MDN1: variants seen among roughly 807,000 people sequenced by gnomAD.
MDN1 encodes the protein midasin.
MDN1 carries 266 observed loss-of-function variants against 669.2 expected under a neutral mutation model. The ratio of observed to expected loss-of-function variants is 0.40; its 90% CI spans 0.36 to 0.44. MDN1 has a LOEUF of 0.44. Among genes scored for constraint, MDN1 ranks in the 20% least tolerant of loss-of-function variants. The pLI, the probability that MDN1 is intolerant of heterozygous loss-of-function variation, is 1.00. For synonymous variants in MDN1, 2,385 were observed against 2,457.1 expected, an observed-to-expected ratio of 0.97 and a Z score of 0.87; for missense variants, 5,940 against 6,754.0, an observed-to-expected ratio of 0.88 and a Z score of 4.22.
Position 89,790,277 on chromosome 6 carries a change from A to T in MDN1, c.980T>A (p.Leu327Ter). The T allele has an allele frequency of 6.2e-7, 1 of 1,614,184 alleles. No individual in the cohort carries two copies. The highest frequency in any genetic ancestry group is 8.5e-7 in the Non-Finnish European group (1 of 1,180,038). ...MAVASQNAVL[L>*]EGPIGCGKTS... is the part of the protein sequence containing the mutation. The stretch of plus-strand genomic sequence containing the variant: ...TTTGCCACATCCTATTGGTCCTTCC[A>T]ACAACACAGCATTCTGAGAAGCAAC... The change falls in exon 6 of 102, where the codon TTG (leucine) becomes TAG (stop). Residue 327 changes from leucine (L) to a stop codon, truncating the protein, a stop_gained. Coordinates refer to ENST00000369393, the MANE Select transcript of MDN1 (RefSeq NM_014611.3). LOFTEE classifies it high-confidence loss of function.
Position 89,793,953 on chromosome 6 carries a change from A to C in MDN1, c.664T>G (p.Leu222Val), listed in dbSNP as rs1819425288. The change falls in exon 5 of 102, where the codon TTA becomes GTA. Residue 222 changes from leucine (L) to valine (V), a missense_variant and splice_region_variant. By Grantham distance (32) the Leu-to-Val change is conservative. Transcript: ENST00000369393. ...SDELIHFRLR[L>V]LEEAQLQDLE... ...TCCTGCAACTGGGCCTCTTCTAATA[A>C]CCTGAGAGAAAGGAGAGTCTCGTCA... The C allele has an allele frequency of 6.2e-7, 1 of 1,609,994 alleles. No homozygotes were observed. Among genetic ancestry groups the C allele is most frequent in the Non-Finnish European group, 8.5e-7 (1 of 1,177,388 alleles).
chr6:89,673,410 C>G lies in MDN1; in HGVS notation c.13300G>C (p.Val4434Leu). The G allele has an allele frequency of 1.2e-6, 2 of 1,614,190 alleles. No individual in the cohort carries two copies. The highest frequency in any genetic ancestry group is 1.3e-5 in the African/African-American group (1 of 75,036). Residue 4434 changes from valine (V) to leucine (L), a missense_variant, in exon 80 of 102, where the codon GTT becomes CTT. Coordinates refer to ENST00000369393, the MANE Select transcript of MDN1 (RefSeq NM_014611.3). ...SALSCLSQVS[V>L]HLQGLESLFI... ...AAGGACTCTAGGCCCTGCAAATGAA[C>G]TGACACCTGGGACAAGCAACTCAGC...
At chr6:89,696,282 A>G in intron 60 of MDN1, 78 bp downstream of exon 60, 1 of 1,441,904 alleles carries the variant, frequency 6.9e-7, no homozygotes. Context: ...TACAGAAGGA[A>G]GTTCTCACTG....
At position 89,646,685 on chromosome 6, in the gene MDN1, C is replaced by T. The variant is rs1808511267; in HGVS notation, c.16396-82G>A. On this transcript the variant is annotated intron_variant, in intron 99 of 101. Coordinates refer to ENST00000369393, the MANE Select transcript of MDN1 (RefSeq NM_014611.3). The stretch of plus-strand genomic sequence containing the variant: ...TCAAAGAGACTGATAGTATTTCTGA[C>T]ATTGAAGTGATTATCAGATAACCAC... 2.4e-6 allele frequency: 3 copies of T among 1,229,298 alleles called. No individual in the cohort carries two copies. The Admixed American group carries it at 5.4e-5, about 22-fold the overall frequency. The allele number at this position is 1,229,298 out of a possible 1,614,324, so 76.1% of individuals were successfully genotyped here.
intron 57 of MDN1, among the ~76,000 whole-genome samples, 155 bp downstream of exon 57, chr6:89,699,908 C>T (rs1394905460): frequency 2.0e-5 from 3 of 151,910 alleles, no homozygotes; most frequent in Admixed American, 6.6e-5. Context: ...AAAAAAAAAC[C>T]TTCAATAAAT....
intron 59 of MDN1, 73 bp from the exon 60 acceptor site, chr6:89,696,647 A>C: frequency 8.5e-7 from 1 of 1,175,988 alleles, no homozygotes; most frequent in Non-Finnish European, 1.2e-6. Flanking sequence ...AGGGAACCTG[A>C]GAGGAAAGAA....
At chr6:89,655,092 T>C (rs747990107) in intron 92 of MDN1, among the ~76,000 whole-genome samples, 9 of 152,098 alleles carry the variant, frequency 5.9e-5, no homozygotes, top group Non-Finnish European at 1.2e-4. Context: ...CAATACATGG[T>C]AGCTACTGCT....
chr6:89,801,190 A>T (rs1767633264), intron 2 of MDN1, among the ~76,000 whole-genome samples: 1 of 151,762 alleles, frequency 6.6e-6, no homozygotes, highest in African/African-American at 2.4e-5. Context: ...GAGGTCAGGA[A>T]TTCAAGACCA....
Position 89,708,511 on chromosome 6 carries a change from T to C in MDN1, c.7883A>G (p.Glu2628Gly). The C allele has an allele frequency of 6.2e-7, 1 of 1,613,992 alleles. No homozygotes were observed. Among genetic ancestry groups the C allele is most frequent in the South Asian group, 1.1e-5 (1 of 91,038 alleles). The change falls in exon 51 of 102, where the codon GAA becomes GGA. Residue 2628 changes from glutamate to glycine, a missense_variant. Physicochemically the swap from Glu to Gly is moderately conservative, Grantham distance 98. Transcript: ENST00000369393. The part of the protein sequence containing the change: ...DQPDQLFALL[E>G]SAANKTIIYL... ...TTTCACTTACTTGTTTGCAGCTGAT[T>C]CTAAAAGGGCAAAGAGCTGGTCAGG...
At chr6:89,794,499 C>T in intron 3 of MDN1, 78 bp downstream of exon 3, 8 of 1,381,826 alleles carry the variant, frequency 5.8e-6, no homozygotes, top group Non-Finnish European at 8.1e-6. Context: ...TTTCCTTTCC[C>T]TCCTGACACA....
chr6:89,737,201 A>G (rs1000377463), intron 33 of MDN1, among the ~76,000 whole-genome samples: 2 of 152,176 alleles, frequency 1.3e-5, no homozygotes, highest in Non-Finnish European at 2.9e-5. Flanking sequence ...ACCGTGGGCC[A>G]TTCCTAAAAA....
chr6:89,717,231 A>T (rs1240119097), intron 43 of MDN1, among the ~76,000 whole-genome samples: 1 of 152,250 alleles, frequency 6.6e-6, no homozygotes, highest in African/African-American at 2.4e-5. Flanking sequence ...ATTACTTGCC[A>T]AATGCTTTAT....
chr6:89,819,161 C>G (rs1370967487), intron 1 of MDN1, among the ~76,000 whole-genome samples: 1 of 152,188 alleles, frequency 6.6e-6, no homozygotes, highest in East Asian at 1.9e-4. Context: ...GATACGTACA[C>G]TTGTCAAAAC....
intron 32 of MDN1, 39 bp from the exon 33 acceptor site, chr6:89,738,494 CTG>C (rs1318237745): frequency 1.9e-6 from 3 of 1,608,762 alleles, no homozygotes; most frequent in Non-Finnish European, 8.5e-7. Flanking sequence ...ATTTTTAAAA[CTG>C]TAAGGAAAGC....
chr6:89,731,764 C>G (rs1584282654), intron 34 of MDN1, among the ~76,000 whole-genome samples: 1 of 151,512 alleles, frequency 6.6e-6, no homozygotes, highest in Admixed American at 6.6e-5. Flanking sequence ...TTCAAATAAT[C>G]TGATCAATCT....
At chr6:89,656,394 C>CTATG (rs1809302345) in intron 91 of MDN1, among the ~76,000 whole-genome samples, 1 of 152,112 alleles carries the variant, frequency 6.6e-6, no homozygotes, top group South Asian at 2.1e-4. Context: ...AAGCAAAAGC[C>CTATG]TATGGACAAT....
At chr6:89,777,898 G>A (rs556837872) in intron 11 of MDN1, among the ~76,000 whole-genome samples, 5 of 152,168 alleles carry the variant, frequency 3.3e-5, no homozygotes, top group African/African-American at 1.2e-4. Context: ...TGAGTTAACA[G>A]GGAGATTGAT....
Position 89,674,243 on chromosome 6 carries a change from C to T in MDN1, c.13108G>A (p.Gly4370Ser). Residue 4370 changes from glycine to serine, a missense_variant, in exon 79 of 102, where the codon GGT becomes AGT. Around this residue, in one of 5 missense-constraint regions of MDN1, gnomAD observed 2,280 missense variants for 2,576.3 expected, o/e 0.88. Coordinates refer to ENST00000369393, the MANE Select transcript of MDN1 (RefSeq NM_014611.3). Reference protein sequence around the residue: ...SPIPGSQLPSGCRMRKQDHLW... With the variant: ...SPIPGSQLPSSCRMRKQDHLW... ...TGATCCTGTTTCCGCATCCGGCAAC[C>T]AGAGGGCAGCTGACTTCCAGGTATT... 6.2e-7 allele frequency: 1 copy of T among 1,614,238 alleles called. No homozygotes were observed. The highest frequency in any genetic ancestry group is 8.5e-7 in the Non-Finnish European group (1 of 1,180,048).
chr6:89,644,397 G>A (rs914818414), intron 101 of MDN1, among the ~76,000 whole-genome samples: 3 of 151,868 alleles, frequency 2.0e-5, no homozygotes, highest in Admixed American at 6.6e-5. Flanking sequence ...CCCCTTCCAG[G>A]AGGATGGACA....
Sources: gnomAD v4.1 joint callset for allele counts (sites outside exome capture counted in the v4.1 genomes callset) on GRCh38, gnomAD v4.1.1 for gene constraint, gnomAD v4.1.1 regional missense constraint, MANE v1.5 for transcripts, NCBI Gene and HGNC (gene_info 2026-07-23, HGNC 2026-07-21) for gene names.